RGS3: variants seen among roughly 807,000 people sequenced by gnomAD.
The protein encoded by RGS3 is regulator of G protein signaling 3, also known as regulator of G-protein signalling 3.
A neutral mutation model predicts 132.6 loss-of-function variants in RGS3; 80 were observed. The ratio of observed to expected loss-of-function variants is 0.60; its 90% CI spans 0.50 to 0.73. RGS3 has a LOEUF of 0.73. Ranked by LOEUF, RGS3 falls within the 30% of genes least tolerant of loss-of-function variation. The pLI is 0.00. For synonymous variants in RGS3, 598 were observed against 620.6 expected, an observed-to-expected ratio of 0.96 and a Z score of 0.54; for missense variants, 1,382 against 1,530.8, an observed-to-expected ratio of 0.90 and a Z score of 1.62.
At position 113,575,115 on chromosome 9, in the gene RGS3, G is replaced by A. The variant is rs115125182; in HGVS notation, c.2038-8335G>A. ...TGCTGAAACCCAGACCCCGGGAGCC[G>A]CCTCCCCGCCCTGGGAGAAGCTGGG... On this transcript the variant is annotated intron_variant, in intron 19 of 24. Transcript: ENST00000350696. Among the ~76,000 whole-genome samples, 267 of 152,288 alleles carry A rather than the reference G, an allele frequency of 1.8e-3. 2 individuals are homozygous for A. Among genetic ancestry groups the A allele is most frequent in the African/African-American group, 5.5e-3 (228 of 41,546 alleles).
intron 17 of RGS3, among the ~76,000 whole-genome samples, chr9:113,523,304 G>C (rs1832051196): frequency 6.6e-6 from 1 of 152,152 alleles, no homozygotes; most frequent in Non-Finnish European, 1.5e-5. Context: ...AAGAGCTTTG[G>C]ATTCAGACAG....
At chr9:113,553,190 A>G (rs532972856) in intron 19 of RGS3, among the ~76,000 whole-genome samples, 2 of 151,450 alleles carry the variant, frequency 1.3e-5, no homozygotes, top group Admixed American at 6.6e-5. Context: ...ACCTGTAATC[A>G]CAGCACTTTG....
chr9:113,498,363 T>G (rs1442928230), intron 10 of RGS3, among the ~76,000 whole-genome samples: 1 of 151,910 alleles, frequency 6.6e-6, no homozygotes, highest in Non-Finnish European at 1.5e-5. Flanking sequence ...AGAAACCGAG[T>G]CCTCCCCTTC....
chr9:113,571,765 T>G (rs1298640326), intron 19 of RGS3, among the ~76,000 whole-genome samples: 3 of 152,250 alleles, frequency 2.0e-5, no homozygotes, highest in Non-Finnish European at 4.4e-5. Context: ...GAGTGTTTGT[T>G]GAGTCCTGTT....
chr9:113,553,299 C>A (rs1247867097), intron 19 of RGS3, among the ~76,000 whole-genome samples: 1 of 149,642 alleles, frequency 6.7e-6, no homozygotes, highest in Non-Finnish European at 1.5e-5. Flanking sequence ...AAAAATTATC[C>A]AGGCATGGTG....
At chr9:113,496,676 G>A (rs1420536916) in intron 8 of RGS3, among the ~76,000 whole-genome samples, 2 of 151,978 alleles carry the variant, frequency 1.3e-5, no homozygotes, top group Non-Finnish European at 2.9e-5. Flanking sequence ...TCAGCCTCCT[G>A]AGTAGCTGGG....
At position 113,542,578 on chromosome 9, in the gene RGS3, C is replaced by T. The variant is rs1200100660; in HGVS notation, c.2037+5660C>T. ...AGAAGAGATGACTCCCTGCCCCATC[C>T]CCCTGCCTACCCTCCTCCTCAATGG... is the stretch of plus-strand genomic sequence containing the variant. On this transcript the variant is annotated intron_variant, in intron 19 of 24. Transcript: ENST00000350696. Among the ~76,000 whole-genome samples the T allele has an allele frequency of 2.0e-5, 3 of 152,148 alleles. No individual in the cohort carries two copies. In the East Asian group the frequency reaches 5.8e-4, roughly 29 times the overall value.
intron 10 of RGS3, among the ~76,000 whole-genome samples, chr9:113,503,565 G>A (rs1173348817): frequency 6.6e-6 from 1 of 152,194 alleles, no homozygotes; most frequent in African/African-American, 2.4e-5. Context: ...TCTGGGTGTG[G>A]GAGGAGGAGG....
intron 21 of RGS3, chr9:113,593,642 G>T: frequency 2.2e-6 from 1 of 447,712 alleles, no homozygotes; most frequent in Non-Finnish European, 4.0e-6. Context: ...GAGGCCGGCT[G>T]GCAGGAGCCA....
intron 11 of RGS3, among the ~76,000 whole-genome samples, chr9:113,505,868 C>G (rs1564499451): frequency 6.6e-6 from 1 of 152,186 alleles, no homozygotes; most frequent in Non-Finnish European, 1.5e-5. Flanking sequence ...TATCCAGAGC[C>G]TGATCAGCAC....
At position 113,509,917 on chromosome 9, in the gene RGS3, G is replaced by A. The variant is rs115538783; in HGVS notation, c.1477+1337G>A. Among the ~76,000 whole-genome samples, 805 of 152,284 alleles carry A rather than the reference G, an allele frequency of 5.3e-3. 9 individuals carry two copies. Among genetic ancestry groups the A allele is most frequent in the African/African-American group, 0.019 (782 of 41,546 alleles). On this transcript the variant is annotated intron_variant, in intron 14 of 24. Transcript: ENST00000350696. ...GTTCCTTCTGGGGAGAAGTCCGACA[G>A]CAATTCAATGATGAGTTTTATTTTT...
intron 21 of RGS3, 68 bp from the exon 20 acceptor site, chr9:113,594,362 C>A: frequency 6.3e-7 from 1 of 1,599,746 alleles, no homozygotes; most frequent in Non-Finnish European, 8.5e-7. Flanking sequence ...ACCCAGCTCT[C>A]CCGACTCTGG....
chr9:113,488,983 A>G (rs1056823110), intron 7 of RGS3, among the ~76,000 whole-genome samples: 14 of 152,234 alleles, frequency 9.2e-5, no homozygotes, highest in Non-Finnish European at 1.8e-4. Flanking sequence ...ACTTATCAAC[A>G]TGAAAGACAA....
chr9:113,553,256 AT>A (rs2087157317), intron 19 of RGS3, among the ~76,000 whole-genome samples: 1 of 150,222 alleles, frequency 6.7e-6, no homozygotes, highest in Non-Finnish European at 1.5e-5. Flanking sequence ...AGCCTAGGCA[AT>A]ATAGTGAGAC....
chr9:113,468,158 T>G (rs968191151), intron 3 of RGS3, among the ~76,000 whole-genome samples: 4 of 152,268 alleles, frequency 2.6e-5, no homozygotes, highest in Non-Finnish European at 4.4e-5. Flanking sequence ...TACCTGTATG[T>G]TTTCTTCTAA....
At chr9:113,535,790 G>T (rs1193810893) in intron 18 of RGS3, among the ~76,000 whole-genome samples, 1 of 152,122 alleles carries the variant, frequency 6.6e-6, no homozygotes, top group Non-Finnish European at 1.5e-5. Context: ...GCAGCCCTTT[G>T]GGGTTATAAT....
chr9:113,463,843 G>T lies in RGS3; in HGVS notation c.415+1642G>T, dbSNP rs149109384. ...CACCGCGTCTCCCTCGGGAGCCGGC[G>T]TGCCCACCCGGACTTGTCCTTCTAC... On this transcript the variant is annotated intron_variant, in intron 3 of 24. Coordinates refer to ENST00000350696, the Ensembl canonical transcript of RGS3. The surrounding 1 kb of genome is among the most constrained non-coding windows in gnomAD (Gnocchi z 4.6). The T allele has an allele frequency of 1.9e-6, 3 of 1,612,918 alleles. No homozygotes were observed. The African/African-American group carries it at 4.0e-5, about 22-fold the overall frequency.
intron 3 of RGS3, among the ~76,000 whole-genome samples, chr9:113,468,760 G>A (rs996112037): frequency 6.6e-6 from 1 of 152,166 alleles, no homozygotes; most frequent in Non-Finnish European, 1.5e-5. Context: ...GTGGTCAGGA[G>A]AGAGAACAGG....
intron 19 of RGS3, among the ~76,000 whole-genome samples, chr9:113,547,400 C>T (rs749057184): frequency 2.0e-5 from 3 of 152,196 alleles, no homozygotes; most frequent in Non-Finnish European, 4.4e-5. Context: ...TGCCTCCTCT[C>T]CCCTAGAGGT....
Sources: gnomAD v4.1 joint callset for allele counts (sites outside exome capture counted in the v4.1 genomes callset) on GRCh38, gnomAD v4.1.1 for gene constraint, Gnocchi (gnomAD v3.1) non-coding constraint, MANE v1.5 for transcripts, NCBI Gene and HGNC (gene_info 2026-07-23, HGNC 2026-07-21) for gene names.